The following EXPH5 variants were observed in gnomAD, a reference collection of about 807,000 sequenced individuals.
The protein encoded by EXPH5 is exophilin-5.
In EXPH5, 42 loss-of-function variants were observed where a neutral mutation model predicts 41.1. The ratio of observed to expected loss-of-function variants is 1.02; its 90% CI spans 0.80 to 1.32. The LOEUF (loss-of-function observed/expected upper bound fraction) is 1.32, where lower values mean the gene tolerates loss of function less well. Ranked by LOEUF, EXPH5 falls within the 40% of genes most tolerant of loss-of-function variation. The probability of loss-of-function intolerance (pLI) is 0.00; values close to 1 mark genes in which losing one functional copy is unlikely to be tolerated. For missense variants in EXPH5, 2,298 were observed against 2,314.5 expected (o/e 0.99, Z 0.15); for synonymous variants, 798 against 833.5 (o/e 0.96, Z 0.73).
At chr11:108,583,582 G>A (rs967711487) in intron 1 of EXPH5, among the ~76,000 whole-genome samples, 1 of 151,830 alleles carries the variant, frequency 6.6e-6, no homozygotes, top group African/African-American at 2.4e-5. Context: ...AACAGTTTGG[G>A]AGGCCGAGGC....
chr11:108,518,738 G>GT (rs1268812590), intron 4 of EXPH5, among the ~76,000 whole-genome samples: 2 of 152,204 alleles, frequency 1.3e-5, no homozygotes, highest in Admixed American at 1.3e-4. Flanking sequence ...TTCCCAGCCG[G>GT]TTAAGGCATT....
intron 1 of EXPH5, among the ~76,000 whole-genome samples, chr11:108,555,800 T>C (rs1283749761): frequency 6.6e-6 from 1 of 152,198 alleles, no homozygotes; most frequent in Admixed American, 6.5e-5. Flanking sequence ...AAAAAGGATG[T>C]GTTTGCTTTC....
Position 108,513,374 on chromosome 11 carries a change from GTCT to G in EXPH5, c.2130_2132del (p.Glu710del). 1 of 1,614,086 alleles carries G rather than the reference GTCT, an allele frequency of 6.2e-7. No individual in the cohort carries two copies. Among genetic ancestry groups the G allele is most frequent in the Non-Finnish European group, 8.5e-7 (1 of 1,180,008 alleles). On this transcript the variant is annotated inframe_deletion, in exon 6 of 6. Coordinates refer to ENST00000265843, the MANE Select transcript of EXPH5 (RefSeq NM_015065.3). ...TCTGGTCCATCTTGCTTAGCTGTTT[GTCT>G]TCTTCTGAAATAGATTCATTTAAGT...
intron 1 of EXPH5, among the ~76,000 whole-genome samples, chr11:108,554,432 G>A (rs549023999): frequency 6.6e-6 from 1 of 152,302 alleles, no homozygotes; most frequent in South Asian, 2.1e-4. Flanking sequence ...GGGGATAAGA[G>A]TAATAATATC....
At chr11:108,530,841 G>A (rs937161092) in intron 3 of EXPH5, among the ~76,000 whole-genome samples, 1 of 152,166 alleles carries the variant, frequency 6.6e-6, no homozygotes, top group Admixed American at 6.5e-5. Flanking sequence ...TTGCCTAAGG[G>A]TGCCATGGTT....
At chr11:108,594,644 C>G (rs749679459), upstream of EXPH5, among the ~76,000 whole-genome samples, 7 of 152,140 alleles carry the variant, frequency 4.6e-5, no homozygotes, top group South Asian at 6.2e-4. Flanking sequence ...GGCTTCACTT[C>G]CTACCCAAAA....
intron 1 of EXPH5, among the ~76,000 whole-genome samples, chr11:108,587,704 T>C (rs144141656): frequency 6.6e-6 from 1 of 152,302 alleles, no homozygotes; most frequent in Non-Finnish European, 1.5e-5. Flanking sequence ...AAGTAAAAAA[T>C]AGTCAAACAT....
At chr11:108,544,817 C>G (rs1331490835) in intron 1 of EXPH5, among the ~76,000 whole-genome samples, 1 of 152,054 alleles carries the variant, frequency 6.6e-6, no homozygotes, top group Non-Finnish European at 1.5e-5. Flanking sequence ...AAAATGATCC[C>G]CCTTTTGGGC....
chr11:108,538,096 C>T (rs1043483078), intron 3 of EXPH5: 14 of 985,292 alleles, frequency 1.4e-5, no homozygotes, highest in Non-Finnish European at 1.6e-5. Flanking sequence ...CCTCCATTCA[C>T]CCAAGAGGGG....
chr11:108,527,079 G>A (rs2135979219), intron 4 of EXPH5, among the ~76,000 whole-genome samples: 1 of 152,260 alleles, frequency 6.6e-6, no homozygotes, highest in East Asian at 1.9e-4. Context: ...CAGCACTTTG[G>A]GAAGCTGAGG....
At chr11:108,582,865 T>G (rs1443859022) in intron 1 of EXPH5, among the ~76,000 whole-genome samples, 1 of 152,212 alleles carries the variant, frequency 6.6e-6, no homozygotes, top group Non-Finnish European at 1.5e-5. Flanking sequence ...TCTGTCTTTG[T>G]GTCCAAATTT....
chr11:108,512,988 A>G lies in EXPH5; in HGVS notation c.2519T>C (p.Ile840Thr), dbSNP rs772752641. Residue 840 changes from isoleucine to threonine, a missense_variant, in exon 6 of 6, where the codon ATT becomes ACT. By Grantham distance (89) the Ile-to-Thr change is moderately conservative. Coordinates refer to ENST00000265843, the MANE Select transcript of EXPH5 (RefSeq NM_015065.3). ...GTGGTTATTTGTAATAATTCTTGAA[A>G]TATCTTCATTATTTACAGTTAATTC... Reference protein sequence around the residue: ...HQELTVNNEDISRIITNNHWS... With the variant: ...HQELTVNNEDTSRIITNNHWS... 6.2e-7 allele frequency: 1 copy of G among 1,613,692 alleles called. No individual in the cohort carries two copies. The highest frequency in any genetic ancestry group is 8.5e-7 in the Non-Finnish European group (1 of 1,179,782).
chr11:108,545,939 A>T (rs1021939275), intron 1 of EXPH5, among the ~76,000 whole-genome samples: 2 of 151,922 alleles, frequency 1.3e-5, no homozygotes, highest in African/African-American at 4.8e-5. Flanking sequence ...CTAAGAGAGC[A>T]TATAACAAGG....
upstream of EXPH5, among the ~76,000 whole-genome samples, chr11:108,596,447 G>C (rs2094139024): frequency 6.6e-6 from 1 of 152,198 alleles, no homozygotes; most frequent in Non-Finnish European, 1.5e-5. Context: ...GATCTCAAGA[G>C]AGATGTCTAA....
chr11:108,547,482 T>A (rs1034676546), intron 1 of EXPH5, among the ~76,000 whole-genome samples: 1 of 152,184 alleles, frequency 6.6e-6, no homozygotes, highest in Admixed American at 6.5e-5. Flanking sequence ...CCCAAAGTGC[T>A]GGGATTACAG....
chr11:108,509,585 T>C lies in EXPH5; in HGVS notation c.5922A>G (p.Thr1974=), dbSNP rs56194394. 0.016 allele frequency: 24,851 copies of C among 1,592,320 alleles called. 239 individuals carry two copies. The highest frequency in any genetic ancestry group is 0.018 in the Non-Finnish European group (21,194 of 1,172,938). ...VDSDCDTDTT[T]DDEYYLDEND... is the part of the protein sequence containing the mutation. ...TTTCATCCAGGTAGTATTCATCATC[T>C]GTGGTTGTGTCTGTGTCACAATCTG... The change falls in exon 6 of 6, where the codon ACA becomes ACG. Residue 1974 remains threonine, a synonymous_variant. Coordinates refer to ENST00000265843, the MANE Select transcript of EXPH5 (RefSeq NM_015065.3).
intron 1 of EXPH5, among the ~76,000 whole-genome samples, chr11:108,567,652 T>C (rs1472706015): frequency 6.6e-6 from 1 of 152,214 alleles, no homozygotes; most frequent in Non-Finnish European, 1.5e-5. Context: ...GCCTTCAAAA[T>C]ATTTGTCAAG....
intron 1 of EXPH5, among the ~76,000 whole-genome samples, chr11:108,569,673 G>A (rs995790408): frequency 2.6e-5 from 4 of 152,184 alleles, no homozygotes; most frequent in Non-Finnish European, 5.9e-5. Context: ...CTCCTTCACG[G>A]CATTGAAAGC....
chr11:108,556,429 C>A (rs2640791), intron 1 of EXPH5, among the ~76,000 whole-genome samples: 147,120 of 152,262 alleles, frequency 0.97, 71,277 homozygotes, highest in East Asian at 1. Flanking sequence ...AGGTCAGTAC[C>A]AGACAGTGGC....
Sources: gnomAD v4.1 joint callset for allele counts (sites outside exome capture counted in the v4.1 genomes callset) on GRCh38, gnomAD v4.1.1 for gene constraint, MANE v1.5 for transcripts, NCBI Gene and HGNC (gene_info 2026-07-23, HGNC 2026-07-21) for gene names.